NRG3: variants seen among roughly 807,000 people sequenced by gnomAD.
NRG3 encodes neuregulin 3.
Under a neutral mutation model 66.9 loss-of-function variants are expected in NRG3, and 31 were observed. The observed-to-expected ratio is 0.46, with a 90% CI of 0.35 to 0.63. The LOEUF is 0.63. NRG3 is among the 20% of genes least tolerant of loss of function. The pLI, the probability that NRG3 is intolerant of heterozygous loss-of-function variation, is 0.00. For synonymous variants in NRG3, 393 were observed against 359.4 expected (o/e 1.09, Z -1.06); for missense variants, 910 against 878.9 (o/e 1.04, Z -0.45).
At chr10:81,974,614 T>A (rs1178571907) in intron 1 of NRG3, among the ~76,000 whole-genome samples, 1 of 152,088 alleles carries the variant, frequency 6.6e-6, no homozygotes, top group Non-Finnish European at 1.5e-5. Context: ...CAATTGATGA[T>A]CTGCACAAGC....
chr10:81,990,636 G>A (rs2060702427), intron 1 of NRG3, among the ~76,000 whole-genome samples: 1 of 152,084 alleles, frequency 6.6e-6, no homozygotes, highest in African/African-American at 2.4e-5. Flanking sequence ...TCAGATGTAT[G>A]TTAATGACCA....
intron 1 of NRG3, among the ~76,000 whole-genome samples, chr10:82,008,236 G>A (rs2061447366): frequency 6.6e-6 from 1 of 152,080 alleles, no homozygotes; most frequent in Non-Finnish European, 1.5e-5. Context: ...AGATCGGGAG[G>A]GAATAGTGCT....
intron 4 of NRG3, among the ~76,000 whole-genome samples, chr10:82,921,217 T>G (rs79881628): frequency 0.023 from 3,576 of 152,222 alleles, 50 homozygotes; most frequent in Admixed American, 0.033. Flanking sequence ...CCTAGTCTAG[T>G]CATGAGAAAA....
intron 1 of NRG3, among the ~76,000 whole-genome samples, chr10:81,991,922 A>G (rs2060758272): frequency 6.6e-6 from 1 of 152,170 alleles, no homozygotes; most frequent in South Asian, 2.1e-4. Context: ...ATATTATATC[A>G]TAGTTTCTGA....
In NRG3 at chr10:81,943,256, CTG is replaced by C. The variant is rs1306500056; in HGVS notation, c.823+67095_823+67096del. Among the ~76,000 whole-genome samples, 20 of 152,126 alleles carry C rather than the reference CTG, an allele frequency of 1.3e-4. 1 individual carries two copies. The highest frequency in any genetic ancestry group is 2.9e-4 in the Non-Finnish European group (20 of 68,024). ...AATAGCCAGGTATGGTGACACATGT[CTG>C]TAGTTTCAGTTACTCAGGAGGCTGA... On this transcript the variant is annotated intron_variant, in intron 1 of 8. Transcript: ENST00000372141.
At chr10:82,622,345 A>G (rs1258212033) in intron 2 of NRG3, among the ~76,000 whole-genome samples, 8 of 151,988 alleles carry the variant, frequency 5.3e-5, no homozygotes, top group Admixed American at 5.3e-4. Flanking sequence ...GGTTCTTTGG[A>G]TTTGTGGGAA....
intron 3 of NRG3, among the ~76,000 whole-genome samples, chr10:82,798,174 C>T (rs1211789209): frequency 6.6e-6 from 1 of 151,810 alleles, no homozygotes; most frequent in African/African-American, 2.4e-5. Context: ...CATCACAAAA[C>T]CCACAGAGTT....
chr10:81,957,842 T>A lies in NRG3; in HGVS notation c.823+81679T>A, dbSNP rs1352549421. Reference sequence around the variant, plus strand: ...AATAGTCTGATGATTAAGTAAAATTTGTATGTAAACTGCTAAGACCTATAG... The same window carrying A: ...AATAGTCTGATGATTAAGTAAAATTAGTATGTAAACTGCTAAGACCTATAG... On this transcript the variant is annotated intron_variant, in intron 1 of 8. Transcript: ENST00000372141. 2.6e-5 allele frequency among the ~76,000 whole-genome samples: 4 copies of A among 152,248 alleles called. 1 individual carries two copies. The East Asian group carries it at 7.7e-4, about 29-fold the overall frequency.
At position 81,900,643 on chromosome 10, in the gene NRG3, A is replaced by G. The variant is rs1223692888; in HGVS notation, c.823+24480A>G. The stretch of plus-strand genomic sequence containing the variant: ...CTTAAGATATTTACATTTTGATAAT[A>G]TAGAAATCAAGAGTTAAGCTAATCT... On this transcript the variant is annotated intron_variant, in intron 1 of 8. Transcript: ENST00000372141. Among the ~76,000 whole-genome samples the G allele has an allele frequency of 3.3e-5, 5 of 152,212 alleles. No homozygotes were observed. The East Asian group carries it at 9.6e-4, about 29-fold the overall frequency.
chr10:81,875,590 A>C lies in NRG3; in HGVS notation c.250A>C (p.Met84Leu), dbSNP rs768534326. ...CTTCATCGGCCTGGGGCTCAGCCTC[A>C]TGCTTCTCAAATGGATCGTGGTGGG... ...IGFIGLGLSL[M>L]LLKWIVVGSV... Residue 84 changes from methionine to leucine, a missense_variant, in exon 1 of 9, where the codon ATG (methionine) becomes CTG (leucine). Met to Leu is a conservative substitution (Grantham distance 15). Coordinates refer to ENST00000372141, the MANE Select transcript of NRG3 (RefSeq NM_001010848.4). The surrounding 1 kb of genome is among the most constrained non-coding windows in gnomAD (Gnocchi z 5.3). 2.5e-6 allele frequency: 4 copies of C among 1,613,558 alleles called. No homozygotes were observed. In the South Asian group the frequency reaches 3.3e-5, roughly 13 times the overall value.
At chr10:81,980,540 A>C (rs2060296715) in intron 1 of NRG3, among the ~76,000 whole-genome samples, 1 of 152,220 alleles carries the variant, frequency 6.6e-6, no homozygotes, top group Admixed American at 6.5e-5. Flanking sequence ...AGTAATCTTT[A>C]TTTTAAGGAG....
chr10:82,017,188 G>A (rs185302027), intron 1 of NRG3, among the ~76,000 whole-genome samples: 47 of 152,174 alleles, frequency 3.1e-4, no homozygotes, highest in Admixed American at 1.9e-3. Flanking sequence ...CGTGGTGTTC[G>A]GTTTTTTGTC....
At position 82,055,369 on chromosome 10, in the gene NRG3, C is replaced by T. The variant is rs138581850; in HGVS notation, c.823+179206C>T. On this transcript the variant is annotated intron_variant, in intron 1 of 8. Transcript: ENST00000372141. ...ACAGGCGCCTGTAATCTCAGCTACT[C>T]GGGAGGCTGAGGCAGGAGAATGGCC... Among the ~76,000 whole-genome samples the T allele has an allele frequency of 3.4e-3, 513 of 149,730 alleles. 3 individuals carry two copies. The highest frequency in any genetic ancestry group is 0.011 in the African/African-American group (463 of 40,786).
chr10:82,642,692 G>T (rs2050667298), intron 2 of NRG3, among the ~76,000 whole-genome samples: 2 of 151,666 alleles, frequency 1.3e-5, no homozygotes, highest in African/African-American at 4.8e-5. Flanking sequence ...CAGGGTAAAA[G>T]AAACTTAAAT....
chr10:82,885,182 T>C (rs1842625141), intron 4 of NRG3, among the ~76,000 whole-genome samples: 1 of 152,234 alleles, frequency 6.6e-6, no homozygotes, highest in African/African-American at 2.4e-5. Flanking sequence ...ATACTCTTTC[T>C]TTTTTGGAAA....
rs76168932 is a variant in NRG3, at chr10:82,420,593, C to A, written c.953+61725C>A. ...ATCCAAATTATATAAAATGGCAAAG[C>A]TGCTCTGGAACACATTTTGGCTGTT... On this transcript the variant is annotated intron_variant, in intron 2 of 8. Transcript: ENST00000372141. Among the ~76,000 whole-genome samples, 682 of 152,254 alleles carry A rather than the reference C, an allele frequency of 4.5e-3. 8 individuals carry two copies. Among genetic ancestry groups the A allele is most frequent in the African/African-American group, 0.015 (632 of 41,554 alleles).
chr10:82,909,294 A>G (rs1322186599), intron 4 of NRG3, among the ~76,000 whole-genome samples: 1 of 152,342 alleles, frequency 6.6e-6, no homozygotes, highest in East Asian at 1.9e-4. Context: ...AACATAATGA[A>G]TCTTATGAGC....
intron 2 of NRG3, among the ~76,000 whole-genome samples, chr10:82,727,602 G>T (rs1229972506): frequency 6.6e-6 from 1 of 152,258 alleles, no homozygotes; most frequent in Non-Finnish European, 1.5e-5. Context: ...GAAGTTTGCT[G>T]CAGGGGCAGG....
chr10:82,889,219 C>T (rs1021819326), intron 4 of NRG3, among the ~76,000 whole-genome samples: 1 of 152,052 alleles, frequency 6.6e-6, no homozygotes, highest in Non-Finnish European at 1.5e-5. Flanking sequence ...GTGACCTGAA[C>T]AAAGATTTCA....
Sources: allele counts gnomAD v4.1 joint callset (sites outside exome capture counted in the v4.1 genomes callset), GRCh38; gene constraint gnomAD v4.1.1; non-coding constraint Gnocchi (gnomAD v3.1); transcripts MANE v1.5; gene names NCBI Gene and HGNC (gene_info 2026-07-23, HGNC 2026-07-21).